CPE: variants seen among roughly 807,000 people sequenced by gnomAD.
The protein encoded by CPE is carboxypeptidase E.
A neutral mutation model predicts 53.5 loss-of-function variants in CPE; 17 were observed. That is an observed-to-expected ratio of 0.32 (90% CI 0.22 to 0.48). CPE has a LOEUF of 0.48. Ranked by LOEUF, CPE falls within the 20% of genes least tolerant of loss-of-function variation. The pLI is 0.99. For synonymous variants in CPE, 226 were observed against 228.8 expected (o/e 0.99, Z 0.11); for missense variants, 524 against 614.7 (o/e 0.85, Z 1.56).
chr4:165,443,372 A>G (rs1731647425), intron 1 of CPE, among the ~76,000 whole-genome samples: 1 of 152,180 alleles, frequency 6.6e-6, no homozygotes, highest in Non-Finnish European at 1.5e-5. Context: ...AGATTATTTC[A>G]TCTTCCCAGT....
Position 165,494,088 on chromosome 4 carries a change from A to C in CPE, c.1213+818A>C, listed in dbSNP as rs528049679. 5.3e-5 allele frequency among the ~76,000 whole-genome samples: 8 copies of C among 152,320 alleles called. No homozygotes were observed. In the East Asian group the frequency reaches 1.5e-3, roughly 29 times the overall value. ...CACATTTATAGCTTGGATTAAAAAA[A>C]AATCTTTAACATTTGTCCTCTAAAA... On this transcript the variant is annotated intron_variant, in intron 7 of 8. Transcript: ENST00000402744.
intron 7 of CPE, 109 bp downstream of exon 7, chr4:165,493,379 C>A (rs1394308349): frequency 1.2e-5 from 9 of 767,574 alleles, no homozygotes; most frequent in Admixed American, 7.9e-5. Flanking sequence ...TAGCTCGTAT[C>A]TCTACAGCGT....
At chr4:165,461,184 A>AAAAAAAAAAAAAT in intron 1 of CPE, among the ~76,000 whole-genome samples, 1 of 106,788 alleles carries the variant, frequency 9.4e-6, no homozygotes, top group African/African-American at 4.4e-5. Flanking sequence ...AAAAAAAAAA[A>AAAAAAAAAAAAAT]AAAGAAAGAA....
chr4:165,453,288 TTTCC>T (rs1327122818), intron 1 of CPE, among the ~76,000 whole-genome samples: 1 of 151,856 alleles, frequency 6.6e-6, no homozygotes, highest in Non-Finnish European at 1.5e-5. Context: ...TCTCATTTTC[TTTCC>T]TTCTTTTTCT....
At chr4:165,424,371 T>G in intron 1 of CPE, among the ~76,000 whole-genome samples, 1 of 150,694 alleles carries the variant, frequency 6.6e-6, no homozygotes, top group East Asian at 2.0e-4. Flanking sequence ...CATAATGTCT[T>G]AGGCTTTTTT....
In CPE at chr4:165,379,198, G is replaced by C. The variant is rs1291213594; in HGVS notation, c.-24G>C. 1 of 1,223,660 alleles carries C rather than the reference G, an allele frequency of 8.2e-7. No individual in the cohort carries two copies. Among genetic ancestry groups the C allele is most frequent in the East Asian group, 3.3e-5 (1 of 30,416 alleles). 75.8% of individuals were successfully genotyped at this position (1,223,660 alleles called of 1,614,324 possible). A position where few individuals can be genotyped will look rare whatever the true frequency, so the allele number is the denominator to read the frequency against. ...AGAGGCCGCCCGCGTAGGAAGGCAC[G>C]GCCGGCGGCGGCGGAGCGCAGCGAT... is the stretch of plus-strand genomic sequence containing the variant. On this transcript the variant is annotated 5_prime_UTR_variant, in exon 1 of 9. Coordinates refer to ENST00000402744, the MANE Select transcript of CPE (RefSeq NM_001873.4). The surrounding 1 kb of genome is among the most constrained non-coding windows in gnomAD (Gnocchi z 6.0).
At chr4:165,496,966 A>G (rs987055403) in intron 8 of CPE, among the ~76,000 whole-genome samples, 7 of 152,080 alleles carry the variant, frequency 4.6e-5, no homozygotes, top group Non-Finnish European at 8.8e-5. Flanking sequence ...TCTGTCGCCC[A>G]GGCTGGAGTG....
intron 1 of CPE, among the ~76,000 whole-genome samples, chr4:165,457,343 C>G (rs998355739): frequency 6.6e-5 from 10 of 152,208 alleles, no homozygotes; most frequent in African/African-American, 2.4e-4. Flanking sequence ...TACCAGCACA[C>G]CACTGTGTAT....
In CPE at chr4:165,487,469, C is replaced by G. The variant is rs1732526719; in HGVS notation, c.1005C>G (p.Asn335Lys). 1 of 1,614,106 alleles carries G rather than the reference C, an allele frequency of 6.2e-7. No homozygotes were observed. Among genetic ancestry groups the G allele is most frequent in the Non-Finnish European group, 8.5e-7 (1 of 1,179,990 alleles). The change falls in exon 6 of 9, where the codon AAC becomes AAG. Residue 335 changes from asparagine (N) to lysine (K), a missense_variant. Asn to Lys is a moderately conservative substitution (Grantham distance 94). Coordinates refer to ENST00000402744, the MANE Select transcript of CPE (RefSeq NM_001873.4). ...GMQDFNYLSS[N>K]CFEITVELSC... ...AAGACTTCAATTACCTTAGCAGCAA[C>G]TGTTTTGAGATCACCGTGGAGCTTA...
At chr4:165,402,381 C>T (rs1489333492) in intron 1 of CPE, among the ~76,000 whole-genome samples, 6 of 152,182 alleles carry the variant, frequency 3.9e-5, no homozygotes, top group African/African-American at 1.4e-4. Context: ...TCTAGTGATT[C>T]TGGCCGGTTA....
chr4:165,408,251 G>T (rs1018012390), intron 1 of CPE, among the ~76,000 whole-genome samples: 1 of 152,126 alleles, frequency 6.6e-6, no homozygotes, highest in East Asian at 1.9e-4. Flanking sequence ...AGGTCACAAA[G>T]ATTTACACCT....
chr4:165,467,972 A>G (rs1302052724), intron 3 of CPE, 117 bp downstream of exon 3: 1 of 1,175,748 alleles, frequency 8.5e-7, no homozygotes, highest in Non-Finnish European at 1.2e-6. Flanking sequence ...GGGGTGGTTA[A>G]CTGTGGCTTT....
chr4:165,422,955 C>T (rs1281812916), intron 1 of CPE, among the ~76,000 whole-genome samples: 5 of 122,552 alleles, frequency 4.1e-5, no homozygotes, highest in Admixed American at 2.1e-4. Flanking sequence ...CCAGCCTGGG[C>T]GACAGAACGA....
intron 1 of CPE, among the ~76,000 whole-genome samples, chr4:165,391,803 G>T (rs1387244030): frequency 6.6e-6 from 1 of 152,076 alleles, no homozygotes; most frequent in Non-Finnish European, 1.5e-5. Context: ...CAAGTACTTT[G>T]TATGAAGGTA....
chr4:165,380,950 A>G (rs541618511), intron 1 of CPE, among the ~76,000 whole-genome samples: 1 of 152,206 alleles, frequency 6.6e-6, no homozygotes, highest in East Asian at 1.9e-4. Flanking sequence ...AAATGTGATA[A>G]CTGATTTTCA....
chr4:165,475,112 C>T (rs772183399), intron 3 of CPE, among the ~76,000 whole-genome samples: 17 of 152,216 alleles, frequency 1.1e-4, no homozygotes, highest in East Asian at 5.8e-4. Flanking sequence ...TAGTAACCTC[C>T]GGAGGACTTG....
In CPE at chr4:165,471,199, A is replaced by G. The variant is rs537064445; in HGVS notation, c.672+3344A>G. 3.3e-5 allele frequency among the ~76,000 whole-genome samples: 5 copies of G among 152,312 alleles called. No individual in the cohort carries two copies. In the East Asian group the frequency reaches 9.6e-4, roughly 29 times the overall value. ...TAAGACTTGTGTGGATGGGGTTACA[A>G]GCCAATTCCAATGTGTTCCCAGAAT... On this transcript the variant is annotated intron_variant, in intron 3 of 8. Coordinates refer to ENST00000402744, the MANE Select transcript of CPE (RefSeq NM_001873.4).
chr4:165,448,359 C>G (rs1731750718), intron 1 of CPE, among the ~76,000 whole-genome samples: 1 of 152,178 alleles, frequency 6.6e-6, no homozygotes, highest in African/African-American at 2.4e-5. Flanking sequence ...CTCACAAGAA[C>G]ATGCAAGAAC....
At chr4:165,465,721 C>G (rs979525426) in intron 2 of CPE, among the ~76,000 whole-genome samples, 10 of 151,954 alleles carry the variant, frequency 6.6e-5, no homozygotes, top group African/African-American at 2.4e-4. Flanking sequence ...TCATAAAGCC[C>G]TAGAACTTTT....
Sources: allele counts gnomAD v4.1 joint callset (sites outside exome capture counted in the v4.1 genomes callset), GRCh38; gene constraint gnomAD v4.1.1; non-coding constraint Gnocchi (gnomAD v3.1); transcripts MANE v1.5; gene names NCBI Gene and HGNC (gene_info 2026-07-23, HGNC 2026-07-21).